The following UBAC2 variants were observed in gnomAD, a reference collection of about 807,000 sequenced individuals.
The protein encoded by UBAC2 is ubiquitin-associated domain-containing protein 2.
UBAC2 carries 26 observed loss-of-function variants against 44.0 expected under a neutral mutation model. The observed-to-expected ratio is 0.59, with a 90% CI of 0.43 to 0.82. The LOEUF (loss-of-function observed/expected upper bound fraction) is 0.82. UBAC2 is among the 40% of genes least tolerant of loss of function. The pLI, the probability that UBAC2 is intolerant of heterozygous loss-of-function variation, is 0.00. For missense variants in UBAC2, 329 were observed against 419.4 expected (o/e 0.78, Z 1.88); for synonymous variants, 155 against 154.3 (o/e 1.00, Z -0.04).
chr13:99,255,812 A>C, intron 4 of UBAC2: 1 of 1,609,904 alleles, frequency 6.2e-7, no homozygotes, highest in East Asian at 2.2e-5. Flanking sequence ...GCAATTTTGT[A>C]TTCATCTGGA....
intron 7 of UBAC2, among the ~76,000 whole-genome samples, chr13:99,345,298 T>G (rs2044957202): frequency 1.3e-5 from 2 of 151,078 alleles, no homozygotes; most frequent in South Asian, 4.1e-4. Context: ...AAATTGTTTA[T>G]TCAGTAACAA....
intron 8 of UBAC2, among the ~76,000 whole-genome samples, chr13:99,369,782 G>A (rs988987174): frequency 2.0e-4 from 31 of 152,142 alleles, no homozygotes; most frequent in African/African-American, 7.5e-4. Flanking sequence ...CACCAATTAT[G>A]GAACAAAGAA....
At chr13:99,321,345 G>A (rs1036764534) in intron 6 of UBAC2, among the ~76,000 whole-genome samples, 78 of 152,152 alleles carry the variant, frequency 5.1e-4, no homozygotes, top group African/African-American at 1.6e-3. Flanking sequence ...GGCTCGCTGT[G>A]TCACTCAGGC....
intron 7 of UBAC2, among the ~76,000 whole-genome samples, chr13:99,348,004 G>A (rs1377847580): frequency 1.3e-5 from 2 of 152,048 alleles, no homozygotes; most frequent in Non-Finnish European, 2.9e-5. Flanking sequence ...TTCCTTGCCC[G>A]CTGACTCACT....
At chr13:99,263,919 AATT>A (rs1361416471) in intron 4 of UBAC2, among the ~76,000 whole-genome samples, 13 of 152,228 alleles carry the variant, frequency 8.5e-5, no homozygotes, top group African/African-American at 3.1e-4. Flanking sequence ...CATTTGTATA[AATT>A]TCAAAAAGCA....
Position 99,301,466 on chromosome 13 carries a change from C to G in UBAC2, c.390-12631C>G, listed in dbSNP as rs2044255554. On this transcript the variant is annotated intron_variant, in intron 4 of 8. Transcript: ENST00000403766. ...GTAAAACAGTAAGTTTCTTCCTCAG[C>G]AAAATATCTTCCAAAGTATTTTTAC... 2.0e-5 allele frequency among the ~76,000 whole-genome samples: 3 copies of G among 152,206 alleles called. No individual in the cohort carries two copies. In the South Asian group the frequency reaches 6.2e-4, roughly 32 times the overall value.
intron 2 of UBAC2, 73 bp downstream of exon 2, chr13:99,238,627 C>G: frequency 7.3e-7 from 1 of 1,379,110 alleles, no homozygotes; most frequent in Non-Finnish European, 9.5e-7. Flanking sequence ...TTTGCTTTTT[C>G]TTCCTGCTGT....
chr13:99,281,703 G>GC (rs1380456650), intron 4 of UBAC2, among the ~76,000 whole-genome samples: 10 of 152,194 alleles, frequency 6.6e-5, no homozygotes, highest in Non-Finnish European at 1.3e-4. Context: ...TCTTGACATT[G>GC]CCTGAGGACT....
chr13:99,341,215 C>A (rs1458932109), intron 7 of UBAC2, among the ~76,000 whole-genome samples: 1 of 152,214 alleles, frequency 6.6e-6, no homozygotes, highest in African/African-American at 2.4e-5. Context: ...TGAGCCAGCC[C>A]ACAGGGCTCC....
At chr13:99,220,148 A>G (rs1321923547) in intron 1 of UBAC2, among the ~76,000 whole-genome samples, 2 of 152,216 alleles carry the variant, frequency 1.3e-5, no homozygotes, top group African/African-American at 4.8e-5. Context: ...TATCTTAAGT[A>G]TTAAAATAGT....
chr13:99,214,019 A>G (rs1034255897), intron 1 of UBAC2, among the ~76,000 whole-genome samples: 3 of 151,846 alleles, frequency 2.0e-5, no homozygotes, highest in Non-Finnish European at 4.4e-5. Context: ...GGGTTTCACC[A>G]TGTTGGCCAG....
chr13:99,277,819 C>T (rs568798482), intron 4 of UBAC2, among the ~76,000 whole-genome samples: 1 of 152,170 alleles, frequency 6.6e-6, no homozygotes, highest in Non-Finnish European at 1.5e-5. Flanking sequence ...TGTCACCACC[C>T]GCAAGCCTCA....
intron 8 of UBAC2, among the ~76,000 whole-genome samples, chr13:99,370,684 G>GT (rs1229207988): frequency 6.6e-6 from 1 of 152,200 alleles, no homozygotes; most frequent in Non-Finnish European, 1.5e-5. Context: ...AGCCACCCAT[G>GT]GGTAAGGCTG....
chr13:99,315,604 CT>C (rs2044477819), intron 5 of UBAC2, among the ~76,000 whole-genome samples: 2 of 152,172 alleles, frequency 1.3e-5, no homozygotes, highest in Non-Finnish European at 2.9e-5. Context: ...TGCTTTGTCA[CT>C]TACTTTTTCT....
chr13:99,319,301 C>T (rs61970331), intron 6 of UBAC2, among the ~76,000 whole-genome samples: 1,546 of 152,196 alleles, frequency 0.01, 10 homozygotes, highest in Non-Finnish European at 0.016. Context: ...TTTTAACTAG[C>T]GGTTATAGAG....
At chr13:99,316,727 A>G (rs926663911) in intron 5 of UBAC2, among the ~76,000 whole-genome samples, 3 of 152,204 alleles carry the variant, frequency 2.0e-5, no homozygotes, top group Non-Finnish European at 4.4e-5. Context: ...TACTTTTTCA[A>G]TGACAAAATG....
intron 4 of UBAC2, chr13:99,294,903 C>G: frequency 1.4e-6 from 1 of 701,068 alleles, no homozygotes; most frequent in Non-Finnish European, 2.3e-6. Context: ...ATGTTGTTCT[C>G]TTGGGCTTAC....
chr13:99,268,861 G>A (rs1173768145), intron 4 of UBAC2, among the ~76,000 whole-genome samples: 2 of 152,052 alleles, frequency 1.3e-5, no homozygotes, highest in Non-Finnish European at 2.9e-5. Context: ...GGGTGGAGAT[G>A]GAGATTGGCC....
intron 4 of UBAC2, among the ~76,000 whole-genome samples, chr13:99,288,244 A>G (rs1372301643): frequency 6.6e-6 from 1 of 152,222 alleles, no homozygotes; most frequent in Non-Finnish European, 1.5e-5. Flanking sequence ...GAGAAAATGG[A>G]TAAAAGCCAA....
Sources: gnomAD v4.1 joint callset for allele counts (sites outside exome capture counted in the v4.1 genomes callset) on GRCh38, gnomAD v4.1.1 for gene constraint, MANE v1.5 for transcripts, NCBI Gene and HGNC (gene_info 2026-07-23, HGNC 2026-07-21) for gene names.